The following NUP88 variants were observed in gnomAD, a reference collection of about 807,000 sequenced individuals.
The protein encoded by NUP88 is nucleoporin 88.
A neutral mutation model predicts 93.9 loss-of-function variants in NUP88; 57 were observed. The observed-to-expected ratio is 0.61, with a 90% confidence interval of 0.49 to 0.76. The LOEUF (loss-of-function observed/expected upper bound fraction) is 0.76, where lower values mean the gene tolerates loss of function less well. NUP88 is among the 30% of genes least tolerant of loss of function. The probability of loss-of-function intolerance (pLI) is 0.00; values close to 1 mark genes in which losing one functional copy is unlikely to be tolerated. For synonymous variants in NUP88, 346 were observed against 336.8 expected (o/e 1.03, Z -0.30); for missense variants, 911 against 901.0 (o/e 1.01, Z -0.14).
At position 5,416,835 on chromosome 17, in the gene NUP88, T is replaced by TG. The variant is rs1364645353; in HGVS notation, c.298-154_298-153insC. On this transcript the variant is annotated intron_variant, in intron 1 of 16. Coordinates refer to ENST00000573584, the MANE Select transcript of NUP88 (RefSeq NM_002532.6). ...CACTTGTACCATTAACTCACAAATTTTTTTTTTTTTTTTTGAGACAGAGTC... is the reference window on the plus strand; with the variant it reads ...CACTTGTACCATTAACTCACAAATTTGTTTTTTTTTTTTTTGAGACAGAGTC... 6.2e-3 allele frequency among the ~76,000 whole-genome samples: 930 copies of TG among 150,622 alleles called. 7 individuals are homozygous for TG. Among genetic ancestry groups the TG allele is most frequent in the African/African-American group, 0.021 (874 of 40,998 alleles).
rs755267185 is a variant in NUP88 at position 5,405,054 on chromosome 17, T to C, written c.1044+3A>G. On this transcript the variant is annotated splice_donor_region_variant and intron_variant, in intron 6 of 16. Transcript: ENST00000573584. The stretch of plus-strand genomic sequence containing the variant: ...ACAAACAACCACAGCAGCCTGCACT[T>C]ACCGTGTGGTCATCTTCTTCTTCCC... The C allele has an allele frequency of 6.2e-7, 1 of 1,613,382 alleles. No homozygotes were observed. Among genetic ancestry groups the C allele is most frequent in the South Asian group, 1.1e-5 (1 of 90,932 alleles).
In NUP88 at chr17:5,385,471, G is replaced by A. The variant is rs2144752321; in HGVS notation, c.*735C>T. On this transcript the variant is annotated 3_prime_UTR_variant, in exon 17 of 17. Coordinates refer to ENST00000573584, the MANE Select transcript of NUP88 (RefSeq NM_002532.6). ...ACTCAGCCATTTCTAAGCAGATATA[G>A]TAGTACCTTTCAGAACTCACATTGG... 2 of 230,744 alleles carry A rather than the reference G, an allele frequency of 8.7e-6. No individual in the cohort carries two copies. Among genetic ancestry groups the A allele is most frequent in the South Asian group, 1.8e-4 (1 of 5,498 alleles). 14.3% of individuals were successfully genotyped at this position (230,744 alleles called of 1,614,324 possible).
At position 5,391,460 on chromosome 17, in the gene NUP88, C is replaced by T. The variant is rs1258168080; in HGVS notation, c.1484+101G>A. 4.6e-6 allele frequency: 4 copies of T among 878,020 alleles called. No homozygotes were observed. In the Admixed American group the frequency reaches 6.0e-5, roughly 13 times the overall value. The allele number at this position is 878,020 out of a possible 1,614,324, so 54.4% of individuals were successfully genotyped here. A position where few individuals can be genotyped will look rare whatever the true frequency, so the allele number is the denominator to read the frequency against. On this transcript the variant is annotated intron_variant, in intron 10 of 16. Coordinates refer to ENST00000573584, the MANE Select transcript of NUP88 (RefSeq NM_002532.6). ...CTCAAGTCAGAAGCCAAAGTATAAACCACACATGTATAGCTTCAAGTTGGT... is the reference window on the plus strand; with the variant it reads ...CTCAAGTCAGAAGCCAAAGTATAAATCACACATGTATAGCTTCAAGTTGGT...
intron 2 of NUP88, 60 bp from the exon 3 acceptor site, chr17:5,414,194 A>C: frequency 6.6e-7 from 1 of 1,511,078 alleles, no homozygotes; most frequent in Non-Finnish European, 9.1e-7. Context: ...AAATCTTCTA[A>C]AGGAACTTCT....
At chr17:5,404,956 T>G (rs1913406440) in intron 6 of NUP88, 101 bp downstream of exon 6, 1 of 1,030,572 alleles carries the variant, frequency 9.7e-7, no homozygotes, top group Non-Finnish European at 1.4e-6. Context: ...AGAAGTTCCA[T>G]AAGTAAGTTA....
chr17:5,401,062 A>G (rs1381218587), intron 7 of NUP88, among the ~76,000 whole-genome samples: 1 of 151,956 alleles, frequency 6.6e-6, no homozygotes, highest in Non-Finnish European at 1.5e-5. Context: ...TATCTCTGTA[A>G]CTCAATATTT....
chr17:5,391,560 C>T lies in NUP88; in HGVS notation c.1484+1G>A. On this transcript the variant is annotated splice_donor_variant, in intron 10 of 16. Coordinates refer to ENST00000573584, the MANE Select transcript of NUP88 (RefSeq NM_002532.6). LOFTEE classifies it high-confidence loss of function. ...TGTGGAGAATATAAAATGGGACGTACAATAACGGCCATATGAGGCATTCAT... is the reference window on the plus strand; with the variant it reads ...TGTGGAGAATATAAAATGGGACGTATAATAACGGCCATATGAGGCATTCAT... 1 of 1,608,676 alleles carries T rather than the reference C, an allele frequency of 6.2e-7. No homozygotes were observed. The highest frequency in any genetic ancestry group is 8.5e-7 in the Non-Finnish European group (1 of 1,175,086).
chr17:5,418,093 G>A (rs144805094), intron 1 of NUP88: 1,885 of 149,430 alleles, frequency 0.013, 37 homozygotes, highest in Non-Finnish European at 0.016. Flanking sequence ...GCGGTGAGCC[G>A]AGATGGCGCC....
chr17:5,385,207 A>G lies in NUP88; in HGVS notation c.*999T>C. 1 of 230,350 alleles carries G rather than the reference A, an allele frequency of 4.3e-6. No homozygotes were observed. Among genetic ancestry groups the G allele is most frequent in the East Asian group, 6.2e-5 (1 of 16,110 alleles). The allele number at this position is 230,350 out of a possible 1,614,324, so 14.3% of individuals were successfully genotyped here. ...TTTAGCAATGTGTTTCTGGTATGAA[A>G]CAAACTACTGTGTCACTGTCCAGGT... On this transcript the variant is annotated 3_prime_UTR_variant, in exon 17 of 17. Transcript: ENST00000573584.
At chr17:5,394,784 T>C (rs1168593313) in intron 9 of NUP88, 107 bp downstream of exon 9, 1 of 757,140 alleles carries the variant, frequency 1.3e-6, no homozygotes, top group African/African-American at 1.7e-5. Flanking sequence ...AACTTTCAAA[T>C]GACTCAGCAG....
rs909005386 is a variant in NUP88, at chr17:5,394,815, G to A, written c.1382+76C>T. 6 of 963,136 alleles carry A rather than the reference G, an allele frequency of 6.2e-6. No individual in the cohort carries two copies. The African/African-American group carries it at 6.4e-5, about 10-fold the overall frequency. The allele number at this position is 963,136 out of a possible 1,614,324, so 59.7% of individuals were successfully genotyped here. A position where few individuals can be genotyped will look rare whatever the true frequency, so the allele number is the denominator to read the frequency against. ...AGCAGTGAATACTGTGGATGTGAGT[G>A]TAACGGATACAAACGTATCTGAACT... On this transcript the variant is annotated intron_variant, in intron 9 of 16. Transcript: ENST00000573584.
chr17:5,403,144 G>A (rs61009838), intron 7 of NUP88, among the ~76,000 whole-genome samples: 66,029 of 151,924 alleles, frequency 0.43, 15,091 homozygotes, highest in East Asian at 0.84. Flanking sequence ...AGGAGTTTGA[G>A]ACCAGCCTGG....
At chr17:5,417,662 A>G (rs572528271) in intron 1 of NUP88, among the ~76,000 whole-genome samples, 99 of 152,196 alleles carry the variant, frequency 6.5e-4, no homozygotes, top group African/African-American at 2.2e-3. Context: ...AACATGGTGA[A>G]ACCCCGTCTC....
rs1265981893 is a variant in NUP88 at position 5,394,969 on chromosome 17, T to C, written c.1304A>G (p.Lys435Arg). ...HKFLGSDEED[K>R]DSLQELSTEQ... The stretch of plus-strand genomic sequence containing the variant: ...TGTAGAGAGTTCCTGTAAACTATCC[T>C]TATCTTCTTCATCTACCATGGAAGA... Residue 435 changes from lysine (K) to arginine (R), a missense_variant, in exon 9 of 17, where the codon AAG becomes AGG. Lys to Arg is a conservative substitution (Grantham distance 26). Transcript: ENST00000573584. 6.2e-7 allele frequency: 1 copy of C among 1,602,920 alleles called. No individual in the cohort carries two copies. The highest frequency in any genetic ancestry group is 1.7e-5 in the Admixed American group (1 of 60,008).
chr17:5,392,655 A>C (rs1597316783), intron 9 of NUP88, among the ~76,000 whole-genome samples: 1 of 151,882 alleles, frequency 6.6e-6, no homozygotes, highest in Non-Finnish European at 1.5e-5. Flanking sequence ...ATAGCCTTTC[A>C]CTCCCCAGAG....
chr17:5,411,532 G>C (rs944896809), intron 3 of NUP88, among the ~76,000 whole-genome samples: 1 of 144,140 alleles, frequency 6.9e-6, no homozygotes, highest in Non-Finnish European at 1.5e-5. Context: ...AGTGAGCCAA[G>C]ATCACGCCAC....
chr17:5,394,900 A>C lies in NUP88; in HGVS notation c.1373T>G (p.Leu458Trp). 1 of 1,611,842 alleles carries C rather than the reference A, an allele frequency of 6.2e-7. No individual in the cohort carries two copies. The highest frequency in any genetic ancestry group is 8.5e-7 in the Non-Finnish European group (1 of 1,177,884). Reference protein sequence around the residue: ...FVEHILCTKPLPCRQPAPIRG... With the variant: ...FVEHILCTKPWPCRQPAPIRG... Reference sequence around the variant, plus strand: ...GAGGGAGAGTCCTTACCTGCAGGGCAATGGCTTCGTACAAAGGATGTGTTC... The same window carrying C: ...GAGGGAGAGTCCTTACCTGCAGGGCCATGGCTTCGTACAAAGGATGTGTTC... Residue 458 changes from leucine (L) to tryptophan (W), a missense_variant, in exon 9 of 17, where the codon TTG becomes TGG. Coordinates refer to ENST00000573584, the MANE Select transcript of NUP88 (RefSeq NM_002532.6).
At chr17:5,397,968 T>C (rs569514545) in intron 8 of NUP88, among the ~76,000 whole-genome samples, 17 of 114,818 alleles carry the variant, frequency 1.5e-4, no homozygotes, top group Middle Eastern at 4.2e-3. Context: ...AGTGGTGTGA[T>C]CTCGACTCGA....
chr17:5,399,194 T>A (rs1344365766), intron 8 of NUP88, among the ~76,000 whole-genome samples: 1 of 69,586 alleles, frequency 1.4e-5, no homozygotes, highest in African/African-American at 4.7e-5. Flanking sequence ...CCCGGCCTTT[T>A]TTTTTTTTTT....
Sources: gnomAD v4.1 joint callset for allele counts (sites outside exome capture counted in the v4.1 genomes callset) on GRCh38, gnomAD v4.1.1 for gene constraint, MANE v1.5 for transcripts, NCBI Gene and HGNC (gene_info 2026-07-23, HGNC 2026-07-21) for gene names.